The following ARB2A variants were observed in gnomAD, a reference collection of about 807,000 sequenced individuals.
ARB2A encodes the protein ARB2 cotranscriptional regulator A.
the ARB2A span, among the ~76,000 whole-genome samples, chr5:93,709,624 C>A: frequency 1.0e-5 from 1 of 96,540 alleles, no homozygotes; most frequent in Admixed American, 1.4e-4. Flanking sequence ...CAGGGTGAGA[C>A]TCTGTCACAA....
At chr5:93,746,784 C>G in the ARB2A span, among the ~76,000 whole-genome samples, 2 of 152,044 alleles carry the variant, frequency 1.3e-5, no homozygotes, top group African/African-American at 2.4e-5. Context: ...GCACCAGAAG[C>G]CTTAAGGAAT....
At chr5:93,646,547 T>C in the ARB2A span, among the ~76,000 whole-genome samples, 1 of 152,144 alleles carries the variant, frequency 6.6e-6, no homozygotes. Context: ...CTTAATAAAA[T>C]TGCTCTTTTC....
At chr5:93,964,143 T>A in the ARB2A span, among the ~76,000 whole-genome samples, 1 of 151,938 alleles carries the variant, frequency 6.6e-6, no homozygotes, top group Non-Finnish European at 1.5e-5. Context: ...TACAAATAAA[T>A]AAAAATAAAT....
At chr5:93,964,515 C>T in the ARB2A span, 11 of 1,577,450 alleles carry the variant, frequency 7.0e-6, no homozygotes, top group African/African-American at 8.1e-5. Flanking sequence ...ATACATACTT[C>T]GTGATGATCT....
At chr5:93,675,616 C>T in the ARB2A span, among the ~76,000 whole-genome samples, 1 of 152,192 alleles carries the variant, frequency 6.6e-6, no homozygotes, top group Non-Finnish European at 1.5e-5. Context: ...CATATGTTTA[C>T]CTAACTTAAA....
the ARB2A span, among the ~76,000 whole-genome samples, chr5:93,760,452 T>G: frequency 1.3e-5 from 2 of 152,144 alleles, no homozygotes; most frequent in African/African-American, 4.8e-5. Flanking sequence ...AAAGCAAGAC[T>G]AAGCAAAAAG....
At chr5:93,881,540 T>C in the ARB2A span, 1 of 1,610,766 alleles carries the variant, frequency 6.2e-7, no homozygotes, top group Non-Finnish European at 8.5e-7. Context: ...ATCACGTCGC[T>C]TCTTTGTTTC....
At chr5:93,790,034 G>A in the ARB2A span, among the ~76,000 whole-genome samples, 5 of 152,252 alleles carry the variant, frequency 3.3e-5, no homozygotes, top group East Asian at 3.9e-4. Context: ...TAGAAGCTTC[G>A]GAAGTTAAGT....
the ARB2A span, among the ~76,000 whole-genome samples, chr5:93,873,904 TCCAAA>T: frequency 2.6e-5 from 4 of 152,190 alleles, no homozygotes; most frequent in Non-Finnish European, 5.9e-5. Flanking sequence ...CAGGGCATCT[TCCAAA>T]TAGGTTGCAG....
chr5:94,050,246 C>T, the ARB2A span, among the ~76,000 whole-genome samples: 9 of 147,892 alleles, frequency 6.1e-5, no homozygotes, highest in African/African-American at 2.3e-4. Flanking sequence ...CACCTAAAAA[C>T]AGAAACTTTT....
At chr5:93,720,825 T>C in the ARB2A span, among the ~76,000 whole-genome samples, 1 of 152,218 alleles carries the variant, frequency 6.6e-6, no homozygotes, top group African/African-American at 2.4e-5. Context: ...ATCTGTGTTT[T>C]GGTTTTCCTA....
At chr5:94,034,696 G>A in the ARB2A span, among the ~76,000 whole-genome samples, 7 of 152,060 alleles carry the variant, frequency 4.6e-5, no homozygotes, top group Admixed American at 6.6e-5. Context: ...TTTCACATGC[G>A]TCCATTAGAC....
the ARB2A span, among the ~76,000 whole-genome samples, chr5:94,019,342 A>C: frequency 6.6e-6 from 1 of 152,266 alleles, no homozygotes; most frequent in South Asian, 2.1e-4. Flanking sequence ...GTTTCTGCAC[A>C]GCAATAGAAA....
chr5:94,012,686 G>A, the ARB2A span, among the ~76,000 whole-genome samples: 1 of 152,148 alleles, frequency 6.6e-6, no homozygotes, highest in Non-Finnish European at 1.5e-5. Context: ...TAACTCACGG[G>A]CTTGTAAGCA....
At chr5:94,106,473 T>C in the ARB2A span, among the ~76,000 whole-genome samples, 2 of 151,994 alleles carry the variant, frequency 1.3e-5, no homozygotes, top group South Asian at 2.1e-4. Context: ...AGTCAAAAAA[T>C]AACAGCTGCT....
At chr5:93,861,610 T>C in the ARB2A span, 5 of 152,160 alleles carry the variant, frequency 3.3e-5, no homozygotes, top group Non-Finnish European at 5.9e-5. Context: ...TACTTTTTCT[T>C]TAACGTCTCT....
chr5:93,652,897 A>C, the ARB2A span, among the ~76,000 whole-genome samples: 16 of 152,330 alleles, frequency 1.1e-4, no homozygotes, highest in African/African-American at 3.8e-4. Flanking sequence ...GAGTTGTAGC[A>C]GGTGGAAAAA....
chr5:93,984,559 T>C, the ARB2A span, among the ~76,000 whole-genome samples: 1 of 152,330 alleles, frequency 6.6e-6, no homozygotes, highest in East Asian at 1.9e-4. Context: ...TAAAATTATC[T>C]TAACTTCCCC....
At chr5:93,885,032 A>G in the ARB2A span, among the ~76,000 whole-genome samples, 1 of 151,594 alleles carries the variant, frequency 6.6e-6, no homozygotes, top group Non-Finnish European at 1.5e-5. Flanking sequence ...GAGTCAAAGA[A>G]AATAGAGTAA....
Sources: gnomAD v4.1 joint callset for allele counts (sites outside exome capture counted in the v4.1 genomes callset) on GRCh38, gnomAD v4.1.1 for gene constraint, MANE v1.5 for transcripts, NCBI Gene and HGNC (gene_info 2026-07-23, HGNC 2026-07-21) for gene names.